The following CSRNP3 variants were observed in gnomAD, a reference collection of about 807,000 sequenced individuals.
CSRNP3 encodes cysteine and serine rich nuclear protein 3, also known as cysteine/serine-rich nuclear protein 3.
In CSRNP3, 12 loss-of-function variants were observed where a neutral mutation model predicts 48.0. The ratio of observed to expected loss-of-function variants is 0.25; its 90% CI spans 0.16 to 0.41. The LOEUF is 0.41. Among genes scored for constraint, CSRNP3 ranks in the 10% least tolerant of loss-of-function variants. The pLI, the probability that CSRNP3 is intolerant of heterozygous loss-of-function variation, is 1.00. For missense variants in CSRNP3, 580 were observed against 724.4 expected (o/e 0.80, Z 2.29); for synonymous variants, 263 against 269.7 (o/e 0.98, Z 0.24).
At position 165,679,272 on chromosome 2, in the gene CSRNP3, C is replaced by T; in HGVS notation, c.1277C>T (p.Ala426Val). 1 of 1,613,822 alleles carries T rather than the reference C, an allele frequency of 6.2e-7. No homozygotes were observed. The highest frequency in any genetic ancestry group is 8.5e-7 in the Non-Finnish European group (1 of 1,179,890). ...TAVHESHAKNASFYANSSTLY... is the reference protein window; with the variant it reads ...TAVHESHAKNVSFYANSSTLY... ...GTTCACGAAAGCCATGCAAAGAATG[C>T]TTCTTTTTATGCCAACTCTTCAACT... The change falls in exon 7 of 7, where the codon GCT (alanine) becomes GTT (valine). Residue 426 changes from alanine (A) to valine (V), a missense_variant. Physicochemically the swap from Ala to Val is moderately conservative, Grantham distance 64. Transcript: ENST00000651982.
chr2:165,619,595 A>T (rs1244239993), intron 4 of CSRNP3, among the ~76,000 whole-genome samples: 1 of 151,922 alleles, frequency 6.6e-6, no homozygotes, highest in East Asian at 1.9e-4. Flanking sequence ...ACATACAAAC[A>T]CACACACACA....
chr2:165,576,144 C>T (rs569601778), intron 3 of CSRNP3, among the ~76,000 whole-genome samples: 2 of 150,058 alleles, frequency 1.3e-5, no homozygotes, highest in African/African-American at 4.9e-5. Context: ...TATATATATA[C>T]ACACACATAT....
intron 6 of CSRNP3, 104 bp from the exon 7 acceptor site, chr2:165,678,597 T>C: frequency 2.2e-6 from 3 of 1,373,750 alleles, no homozygotes; most frequent in Non-Finnish European, 3.0e-6. Flanking sequence ...ATATGTGGAA[T>C]TAAGTGGATG....
chr2:165,541,915 A>G (rs747464168), intron 3 of CSRNP3, among the ~76,000 whole-genome samples: 7 of 152,194 alleles, frequency 4.6e-5, no homozygotes, highest in Non-Finnish European at 1.0e-4. Context: ...TGTCCTAAAA[A>G]TAAGATCACA....
intron 1 of CSRNP3, among the ~76,000 whole-genome samples, chr2:165,473,784 GATATT>G (rs1683923175): frequency 6.6e-6 from 1 of 152,102 alleles, no homozygotes; most frequent in Non-Finnish European, 1.5e-5. Context: ...TTAGATTTCA[GATATT>G]ATAATGGCCT....
chr2:165,534,435 T>C (rs565689338), intron 3 of CSRNP3, among the ~76,000 whole-genome samples: 1 of 152,076 alleles, frequency 6.6e-6, no homozygotes, highest in East Asian at 1.9e-4. Context: ...ATGTAAATTC[T>C]TTACAATACT....
chr2:165,596,581 T>C (rs1159798791), intron 4 of CSRNP3, among the ~76,000 whole-genome samples: 1 of 152,192 alleles, frequency 6.6e-6, no homozygotes, highest in East Asian at 1.9e-4. Context: ...TTATAATTAT[T>C]ATAGCAGAAA....
chr2:165,580,766 A>G (rs1685531026), intron 3 of CSRNP3, among the ~76,000 whole-genome samples: 1 of 152,206 alleles, frequency 6.6e-6, no homozygotes, highest in South Asian at 2.1e-4. Context: ...CTAAAGGACA[A>G]AGGGAAACTT....
At chr2:165,678,215 A>G (rs889560013) in intron 6 of CSRNP3, among the ~76,000 whole-genome samples, 1 of 152,224 alleles carries the variant, frequency 6.6e-6, no homozygotes, top group African/African-American at 2.4e-5. Context: ...AGCAAAAGCA[A>G]AAGGAAAAGT....
intron 4 of CSRNP3, among the ~76,000 whole-genome samples, chr2:165,600,319 A>G (rs1685893339): frequency 6.7e-6 from 1 of 149,218 alleles, no homozygotes; most frequent in Admixed American, 6.7e-5. Context: ...ACATTTTCTT[A>G]ATCCAGTCCA....
intron 3 of CSRNP3, among the ~76,000 whole-genome samples, chr2:165,564,634 C>T (rs1003010212): frequency 1.3e-5 from 2 of 151,680 alleles, no homozygotes; most frequent in African/African-American, 2.4e-5. Flanking sequence ...TAGGTGTCAT[C>T]GTATTTGTTT....
intron 4 of CSRNP3, among the ~76,000 whole-genome samples, chr2:165,608,578 G>T (rs748214908): frequency 6.6e-6 from 1 of 152,122 alleles, no homozygotes; most frequent in African/African-American, 2.4e-5. Flanking sequence ...TCTCATGTAT[G>T]TGCTAATTGT....
intron 4 of CSRNP3, among the ~76,000 whole-genome samples, chr2:165,652,144 G>A (rs1325529563): frequency 6.6e-6 from 1 of 152,174 alleles, no homozygotes; most frequent in African/African-American, 2.4e-5. Flanking sequence ...ATATAGTAGT[G>A]TTGTATATAG....
At position 165,657,781 on chromosome 2, in the gene CSRNP3, G is replaced by A. The variant is rs1385007796; in HGVS notation, c.169G>A (p.Glu57Lys). Reference protein sequence around the residue: ...HFTPSSILKREKRLRTKNVHF... With the variant: ...HFTPSSILKRKKRLRTKNVHF... ...TTCAGCTTCCTCCATTCTCAAAAGG[G>A]AGAAACGACTGAGGACAAAGAATGT... Residue 57 changes from glutamate to lysine, a missense_variant, in exon 5 of 7, where the codon GAG becomes AAG. Glu to Lys is a moderately conservative substitution (Grantham distance 56, BLOSUM62 1). Transcript: ENST00000651982. 1 of 1,613,652 alleles carries A rather than the reference G, an allele frequency of 6.2e-7. No homozygotes were observed. Among genetic ancestry groups the A allele is most frequent in the Non-Finnish European group, 8.5e-7 (1 of 1,179,768 alleles).
chr2:165,514,673 G>A (rs897855167), intron 2 of CSRNP3, among the ~76,000 whole-genome samples: 1 of 152,108 alleles, frequency 6.6e-6, no homozygotes, highest in African/African-American at 2.4e-5. Flanking sequence ...CCAATACTTG[G>A]ACCTTTGCAT....
At chr2:165,521,008 T>A (rs1574818697) in intron 3 of CSRNP3, among the ~76,000 whole-genome samples, 1 of 150,804 alleles carries the variant, frequency 6.6e-6, no homozygotes, top group Admixed American at 6.6e-5. Context: ...AAAAAATTTT[T>A]TGTAGAGACA....
intron 2 of CSRNP3, among the ~76,000 whole-genome samples, chr2:165,498,403 C>T (rs1456732925): frequency 6.6e-6 from 1 of 152,062 alleles, no homozygotes; most frequent in Non-Finnish European, 1.5e-5. Flanking sequence ...ATCTTTCTAT[C>T]TCTTGAACTC....
chr2:165,504,251 C>G (rs1303744705), intron 2 of CSRNP3, among the ~76,000 whole-genome samples: 1 of 151,872 alleles, frequency 6.6e-6, no homozygotes, highest in Non-Finnish European at 1.5e-5. Context: ...TACCAATAAC[C>G]CTCTTGCGTC....
intron 5 of CSRNP3, among the ~76,000 whole-genome samples, chr2:165,663,160 G>T (rs1687124672): frequency 6.6e-6 from 1 of 152,132 alleles, no homozygotes; most frequent in Admixed American, 6.6e-5. Context: ...GGCCTTAAAT[G>T]CCCTGATAGA....
Sources: allele counts gnomAD v4.1 joint callset (sites outside exome capture counted in the v4.1 genomes callset), GRCh38; gene constraint gnomAD v4.1.1; transcripts MANE v1.5; gene names NCBI Gene and HGNC (gene_info 2026-07-23, HGNC 2026-07-21).